The following ABCB9 variants were observed in gnomAD, a reference collection of about 807,000 sequenced individuals.
ABCB9 encodes ATP binding cassette subfamily B member 9.
ABCB9 carries 36 observed loss-of-function variants against 62.0 expected under a neutral mutation model. The ratio of observed to expected loss-of-function variants is 0.58; its 90% CI spans 0.45 to 0.77. The LOEUF is 0.77. ABCB9 is among the 30% of genes least tolerant of loss of function. The probability of loss-of-function intolerance (pLI) is 0.00; values close to 1 mark genes in which losing one functional copy is unlikely to be tolerated. For missense variants in ABCB9, 943 were observed against 1,054.7 expected (o/e 0.89, Z 1.47); for synonymous variants, 435 against 461.4 (o/e 0.94, Z 0.73).
In ABCB9 at chr12:122,964,089, G is replaced by T. The variant is rs2037049018; in HGVS notation, c.-88+2198C>A. 6.6e-6 allele frequency among the ~76,000 whole-genome samples: 1 copy of T among 152,186 alleles called. No homozygotes were observed. The highest frequency in any genetic ancestry group is 2.4e-5 in the African/African-American group (1 of 41,434). ...CCGGCTGCACCAGGTGCTGCCAGCC[G>T]CCTCAGCTGCTGCTCTCCTCGTGGT... is the stretch of plus-strand genomic sequence containing the variant. On this transcript the variant is annotated intron_variant, in intron 1 of 11. Coordinates refer to ENST00000280560, the MANE Select transcript of ABCB9 (RefSeq NM_019625.4). This position sits in a 1 kb window ranked among gnomAD's most constrained non-coding sequence, Gnocchi z 4.7.
At chr12:122,969,830 A>G (rs2037250596), upstream of ABCB9, among the ~76,000 whole-genome samples, 2 of 152,214 alleles carry the variant, frequency 1.3e-5, no homozygotes, top group Admixed American at 1.3e-4. Context: ...CACACACACT[A>G]GAATAGCTGA....
chr12:122,958,346 G>A (rs961539958), intron 2 of ABCB9, among the ~76,000 whole-genome samples: 9 of 152,242 alleles, frequency 5.9e-5, no homozygotes, highest in African/African-American at 1.9e-4. Context: ...ATTGTTAAGT[G>A]AAAAGAGCAA....
rs2035920912 is a variant in ABCB9 at position 122,944,323 on chromosome 12, CCT to C, written c.1380+66_1380+67del. Reference sequence around the variant, plus strand: ...AGAGTCCCTGGAGCCCCGCCCCCACCCTGTTAAGATCCCTCTTCCCCAAACTC... The same window carrying C: ...AGAGTCCCTGGAGCCCCGCCCCCACCGTTAAGATCCCTCTTCCCCAAACTC... On this transcript the variant is annotated intron_variant, in intron 7 of 11. Transcript: ENST00000280560. This position sits in a 1 kb window ranked among gnomAD's most constrained non-coding sequence, Gnocchi z 4.9. 2 of 1,498,782 alleles carry C rather than the reference CCT, an allele frequency of 1.3e-6. No homozygotes were observed. Among genetic ancestry groups the C allele is most frequent in the Non-Finnish European group, 1.8e-6 (2 of 1,101,046 alleles). The allele number at this position is 1,498,782 out of a possible 1,614,324, so 92.8% of individuals were successfully genotyped here. A position where few individuals can be genotyped will look rare whatever the true frequency, so the allele number is the denominator to read the frequency against.
At chr12:122,950,690 G>A (rs991019166) in intron 2 of ABCB9, 125 bp from the exon 3 acceptor site, 55 of 761,532 alleles carry the variant, frequency 7.2e-5, no homozygotes, top group Middle Eastern at 3.6e-4. Context: ...TTCCTCCCTC[G>A]GCAAACTCTT....
At chr12:122,936,774 C>A (rs540916629) in intron 9 of ABCB9, among the ~76,000 whole-genome samples, 1 of 151,098 alleles carries the variant, frequency 6.6e-6, no homozygotes, top group African/African-American at 2.4e-5. Context: ...TGTGGTGGTG[C>A]ATGCCTGTAA....
chr12:122,927,683 G>T, downstream of ABCB9, among the ~76,000 whole-genome samples: 1 of 152,278 alleles, frequency 6.6e-6, no homozygotes, highest in Non-Finnish European at 1.5e-5. Context: ...GAGGAGCTTA[G>T]ACTGGAACGG....
At chr12:122,970,740 G>C (rs1022982684), upstream of ABCB9, among the ~76,000 whole-genome samples, 1 of 152,096 alleles carries the variant, frequency 6.6e-6, no homozygotes, top group Non-Finnish European at 1.5e-5. Flanking sequence ...AGCTTTATTC[G>C]TAATTGCCTA....
intron 1 of ABCB9, among the ~76,000 whole-genome samples, chr12:122,973,592 A>C (rs1451169012): frequency 4.7e-4 from 67 of 141,656 alleles, no homozygotes; most frequent in East Asian, 4.5e-3. Flanking sequence ...AAAAAAAAAA[A>C]AAAAAAAAAA....
At chr12:122,922,730 T>C (rs1297144753) in intron 11 of ABCB9, among the ~76,000 whole-genome samples, 1 of 152,210 alleles carries the variant, frequency 6.6e-6, no homozygotes, top group Non-Finnish European at 1.5e-5. Context: ...TTCATGCTTT[T>C]GTCTTCAATA....
chr12:122,926,667 T>C (rs555705925), downstream of ABCB9, among the ~76,000 whole-genome samples: 134 of 151,882 alleles, frequency 8.8e-4, no homozygotes, highest in African/African-American at 2.6e-3. Context: ...GGTGGGAGGA[T>C]TGATTGAGGC....
At chr12:122,920,026 C>T (rs2034711659), downstream of ABCB9, among the ~76,000 whole-genome samples, 1 of 151,904 alleles carries the variant, frequency 6.6e-6, no homozygotes, top group Non-Finnish European at 1.5e-5. Flanking sequence ...CCTGCCTCAG[C>T]CTCCCCACCA....
intron 10 of ABCB9, among the ~76,000 whole-genome samples, chr12:122,934,969 T>C (rs2035382346): frequency 6.6e-6 from 1 of 151,994 alleles, no homozygotes; most frequent in African/African-American, 2.4e-5. Flanking sequence ...CTCCTCCCCC[T>C]TCTTCTACTT....
intron 1 of ABCB9, among the ~76,000 whole-genome samples, chr12:122,962,489 T>C (rs2036957981): frequency 6.6e-6 from 1 of 152,218 alleles, no homozygotes; most frequent in African/African-American, 2.4e-5. Flanking sequence ...CCGCTCACAC[T>C]GTGGCATGAC....
chr12:122,969,679 A>G (rs953539384), upstream of ABCB9, among the ~76,000 whole-genome samples: 1 of 151,480 alleles, frequency 6.6e-6, no homozygotes, highest in Non-Finnish European at 1.5e-5. Flanking sequence ...TGAGGCTGCA[A>G]TGAGCTGTGT....
At chr12:122,950,339 G>C in intron 3 of ABCB9, 112 bp downstream of exon 3, 1 of 1,034,100 alleles carries the variant, frequency 9.7e-7, no homozygotes, top group Non-Finnish European at 1.4e-6. Flanking sequence ...GGCCCACCAG[G>C]GGCATTTCCA....
intron 2 of ABCB9, among the ~76,000 whole-genome samples, chr12:122,958,169 CAAAAAA>C (rs34917345): frequency 1.5e-4 from 11 of 72,244 alleles, no homozygotes; most frequent in African/African-American, 4.9e-4. Flanking sequence ...GACTCCATCT[CAAAAAA>C]AAAAAAAAAA....
rs2036091852 is a variant in ABCB9, at chr12:122,947,266, ACT to A, written c.1054-1046_1054-1045del. On this transcript the variant is annotated intron_variant, in intron 5 of 11. Transcript: ENST00000280560. The surrounding 1 kb of genome is among the most constrained non-coding windows in gnomAD (Gnocchi z 6.0). ...GAGCAGCGTGCCAGAAATGGCTCAGACTCTAAAGAATAGATTTACTTTCTCAT... is the reference window on the plus strand; with the variant it reads ...GAGCAGCGTGCCAGAAATGGCTCAGACTAAAGAATAGATTTACTTTCTCAT... Among the ~76,000 whole-genome samples the A allele has an allele frequency of 6.6e-6, 1 of 152,078 alleles. No individual in the cohort carries two copies. The highest frequency in any genetic ancestry group is 1.5e-5 in the Non-Finnish European group (1 of 67,986).
At chr12:122,928,864 C>T (rs2034986785), downstream of ABCB9, 2 of 293,434 alleles carry the variant, frequency 6.8e-6, no homozygotes, top group Non-Finnish European at 1.0e-5. Flanking sequence ...CTCCCAGACA[C>T]AGGGGGAGGC....
exon 1 of ABCB9, chr12:122,974,951 C>G (rs1037628292): frequency 5.2e-5 from 14 of 270,538 alleles, no homozygotes; most frequent in African/African-American, 3.1e-4. Context: ...CCTTGGGGCT[C>G]CGAGTCCCTT....
Sources: allele counts gnomAD v4.1 joint callset (sites outside exome capture counted in the v4.1 genomes callset), GRCh38; gene constraint gnomAD v4.1.1; non-coding constraint Gnocchi (gnomAD v3.1); transcripts MANE v1.5; gene names NCBI Gene and HGNC (gene_info 2026-07-23, HGNC 2026-07-21).